The following FAM184B variants were observed in gnomAD, a reference collection of about 807,000 sequenced individuals.
The protein encoded by FAM184B is family with sequence similarity 184 member B.
FAM184B carries 111 observed loss-of-function variants against 135.9 expected under a neutral mutation model. That is an observed-to-expected ratio of 0.82 (90% CI 0.70 to 0.96). The LOEUF is 0.96. Among genes scored for constraint, FAM184B ranks in the 40% least tolerant of loss-of-function variants. The probability of loss-of-function intolerance (pLI) is 0.00; values close to 1 mark genes in which losing one functional copy is unlikely to be tolerated. For missense variants in FAM184B, 1,375 were observed against 1,323.9 expected (o/e 1.04, Z -0.60); for synonymous variants, 552 against 524.8 (o/e 1.05, Z -0.71).
At chr4:17,683,492 A>G (rs971974493) in intron 7 of FAM184B, among the ~76,000 whole-genome samples, 4 of 152,200 alleles carry the variant, frequency 2.6e-5, no homozygotes, top group Admixed American at 2.0e-4. Flanking sequence ...ACATTAAATT[A>G]TTTGTCCAAG....
Position 17,636,605 on chromosome 4 carries a change from T to C in FAM184B, c.2707A>G (p.Arg903Gly). The part of the protein sequence containing the change: ...SGEKPGKGAS[R>G]PEDLQLIGRL... ...CCAATGAGCTGAAGGTCCTCGGGCC[T>C]GGACGCTCCCTTCCCTGGCTTCTCT... Residue 903 changes from arginine to glycine, a missense_variant, in exon 15 of 18, where the codon AGG becomes GGG. Physicochemically the swap from Arg to Gly is moderately radical, Grantham distance 125. Coordinates refer to ENST00000265018, the MANE Select transcript of FAM184B (RefSeq NM_015688.2). 1 of 1,550,930 alleles carries C rather than the reference T, an allele frequency of 6.4e-7. No homozygotes were observed. The highest frequency in any genetic ancestry group is 8.7e-7 in the Non-Finnish European group (1 of 1,146,904).
chr4:17,656,770 T>C (rs1715785898), intron 10 of FAM184B, among the ~76,000 whole-genome samples: 1 of 152,280 alleles, frequency 6.6e-6, no homozygotes, highest in African/African-American at 2.4e-5. Flanking sequence ...AAGAGCCAAA[T>C]AGTATTAAAA....
intron 12 of FAM184B, among the ~76,000 whole-genome samples, chr4:17,644,609 A>G (rs1160132086): frequency 6.6e-6 from 1 of 152,228 alleles, no homozygotes. Context: ...GCTATTTATG[A>G]CAAACCCACA....
chr4:17,656,425 G>A (rs576027033), intron 10 of FAM184B, among the ~76,000 whole-genome samples: 3 of 152,134 alleles, frequency 2.0e-5, no homozygotes, highest in South Asian at 2.1e-4. Context: ...GTTTTGAGAC[G>A]GAGTCTTGCC....
In FAM184B at chr4:17,632,430, A is replaced by G; in HGVS notation, c.*102T>C. ...GTTTTAGCTATCATATATAAATCAT[A>G]AGCATATTATTTGGTTGGTTGGTGT... On this transcript the variant is annotated 3_prime_UTR_variant, in exon 18 of 18. Transcript: ENST00000265018. The G allele has an allele frequency of 1.0e-6, 1 of 974,550 alleles. No homozygotes were observed. Among genetic ancestry groups the G allele is most frequent in the Non-Finnish European group, 1.5e-6 (1 of 657,356 alleles). The allele number at this position is 974,550 out of a possible 1,614,324, so 60.4% of individuals were successfully genotyped here.
intron 1 of FAM184B, among the ~76,000 whole-genome samples, chr4:17,719,054 A>G (rs1351114140): frequency 6.6e-6 from 1 of 152,212 alleles, no homozygotes; most frequent in African/African-American, 2.4e-5. Context: ...GTTTTTTCCT[A>G]TACGTATGTA....
chr4:17,635,053 A>G lies in FAM184B; in HGVS notation c.2845T>C (p.Phe949Leu), dbSNP rs1478004180. ...PSAMSHRNRS[F>L]SFNPHPGYLT... is the part of the protein sequence containing the mutation. ...TATCCCGGGTGAGGATTGAAAGAGA[A>G]AGACCGATTCCGGTGGGACATGGCA... Residue 949 changes from phenylalanine to leucine, a missense_variant, in exon 16 of 18, where the codon TTC becomes CTC. By Grantham distance (22) the Phe-to-Leu change is conservative (BLOSUM62 0). Transcript: ENST00000265018. 6 of 1,551,924 alleles carry G rather than the reference A, an allele frequency of 3.9e-6. No homozygotes were observed. The highest frequency in any genetic ancestry group is 4.4e-6 in the Non-Finnish European group (5 of 1,147,028).
At chr4:17,660,115 A>G (rs1339353993) in intron 8 of FAM184B, 28 bp from the exon 9 acceptor site, 1 of 1,550,374 alleles carries the variant, frequency 6.5e-7, no homozygotes, top group East Asian at 2.4e-5. Context: ...CCACAATCAC[A>G]AAAGATCCTA....
intron 1 of FAM184B, among the ~76,000 whole-genome samples, chr4:17,779,900 C>A (rs80101100): frequency 6.6e-6 from 1 of 152,170 alleles, no homozygotes; most frequent in Non-Finnish European, 1.5e-5. Flanking sequence ...TGCCAAGTGC[C>A]TTTTCAGGTA....
chr4:17,777,493 TA>T (rs576081967), intron 1 of FAM184B, among the ~76,000 whole-genome samples: 8 of 152,022 alleles, frequency 5.3e-5, no homozygotes, highest in African/African-American at 1.9e-4. Context: ...CTGTAAATAT[TA>T]AAAAAACTGT....
chr4:17,703,123 C>T (rs1298269912), intron 5 of FAM184B, among the ~76,000 whole-genome samples: 1 of 152,092 alleles, frequency 6.6e-6, no homozygotes, highest in Admixed American at 6.5e-5. Flanking sequence ...TAAATGTGTT[C>T]TAAAGTATGA....
At chr4:17,767,696 C>T (rs1718730641) in intron 1 of FAM184B, among the ~76,000 whole-genome samples, 1 of 147,876 alleles carries the variant, frequency 6.8e-6, no homozygotes, top group Non-Finnish European at 1.5e-5. Flanking sequence ...GGATTAGTGC[C>T]CCCTCCCCGC....
rs1417117192 is a variant in FAM184B at position 17,658,339 on chromosome 4, C to G, written c.2037+11G>C. The G allele has an allele frequency of 1.3e-6, 2 of 1,551,276 alleles. No individual in the cohort carries two copies. The highest frequency in any genetic ancestry group is 1.7e-6 in the Non-Finnish European group (2 of 1,146,814). ...CCCGGCACAGAGTAGACGGCACAGTCATTCCCTCACCTTGAGTTCCTGATG... is the reference window on the plus strand; with the variant it reads ...CCCGGCACAGAGTAGACGGCACAGTGATTCCCTCACCTTGAGTTCCTGATG... On this transcript the variant is annotated intron_variant, in intron 10 of 17. Coordinates refer to ENST00000265018, the MANE Select transcript of FAM184B (RefSeq NM_015688.2).
At chr4:17,646,906 A>G (rs2108933812) in intron 12 of FAM184B, among the ~76,000 whole-genome samples, 1 of 152,042 alleles carries the variant, frequency 6.6e-6, no homozygotes, top group East Asian at 1.9e-4. Context: ...CAGGAAGAGG[A>G]AAGAGAGTTG....
chr4:17,745,380 C>G (rs542226203), intron 1 of FAM184B, among the ~76,000 whole-genome samples: 3 of 152,156 alleles, frequency 2.0e-5, no homozygotes, highest in Non-Finnish European at 2.9e-5. Context: ...CACAACAAAG[C>G]TTGATTTCCC....
chr4:17,766,590 C>T (rs1421574490), intron 1 of FAM184B, among the ~76,000 whole-genome samples: 1 of 151,992 alleles, frequency 6.6e-6, no homozygotes, highest in African/African-American at 2.4e-5. Context: ...AAAGGTTCTC[C>T]AAGTCCCCAC....
intron 13 of FAM184B, among the ~76,000 whole-genome samples, chr4:17,641,559 A>C (rs1380146666): frequency 8.5e-6 from 1 of 117,716 alleles, no homozygotes; most frequent in African/African-American, 3.3e-5. Context: ...GCTCACTGCA[A>C]CCTGGTCCTC....
chr4:17,703,684 G>A (rs1183308292), intron 5 of FAM184B, among the ~76,000 whole-genome samples: 1 of 152,146 alleles, frequency 6.6e-6, no homozygotes, highest in Non-Finnish European at 1.5e-5. Context: ...TGTAATCCCA[G>A]CACTTTGGGA....
intron 12 of FAM184B, among the ~76,000 whole-genome samples, chr4:17,646,332 G>A (rs1422391015): frequency 2.2e-4 from 34 of 152,188 alleles, no homozygotes; most frequent in Admixed American, 2.1e-3. Flanking sequence ...ACCAACCCAA[G>A]TGTCCAACAA....
Sources: gnomAD v4.1 joint callset for allele counts (sites outside exome capture counted in the v4.1 genomes callset) on GRCh38, gnomAD v4.1.1 for gene constraint, MANE v1.5 for transcripts, NCBI Gene and HGNC (gene_info 2026-07-23, HGNC 2026-07-21) for gene names.